The following LMX1B variants were observed in gnomAD, a reference collection of about 807,000 sequenced individuals.
LMX1B encodes the protein LIM homeobox transcription factor 1 beta, also known as LIM homeobox transcription factor 1-beta.
Under a neutral mutation model 51.4 loss-of-function variants are expected in LMX1B, and 12 were observed. The ratio of observed to expected loss-of-function variants is 0.23; its 90% CI spans 0.15 to 0.38. The LOEUF is 0.38. Among genes scored for constraint, LMX1B ranks in the 10% least tolerant of loss-of-function variants. The probability of loss-of-function intolerance (pLI) is 1.00; values close to 1 mark genes in which losing one functional copy is unlikely to be tolerated. For missense variants in LMX1B, 445 were observed against 571.1 expected (o/e 0.78, Z 2.25); for synonymous variants, 237 against 235.4 (o/e 1.01, Z -0.06).
chr9:126,641,351 C>T lies in LMX1B; in HGVS notation c.326+25782C>T, dbSNP rs1409164017. 1 of 152,268 alleles carries T rather than the reference C, an allele frequency of 6.6e-6. No individual in the cohort carries two copies. The highest frequency in any genetic ancestry group is 1.9e-4 in the East Asian group (1 of 5,200). The allele number at this position is 152,268 out of a possible 1,614,324, so 9.4% of individuals were successfully genotyped here. A position where few individuals can be genotyped will look rare whatever the true frequency, so the allele number is the denominator to read the frequency against. Reference sequence around the variant, plus strand: ...CCTTGCAACCATCATCTCTCTGCATCCTCAGGAAGCATAGGTACCATCAGT... The same window carrying T: ...CCTTGCAACCATCATCTCTCTGCATTCTCAGGAAGCATAGGTACCATCAGT... On this transcript the variant is annotated intron_variant, in intron 2 of 7. Transcript: ENST00000373474. The surrounding 1 kb of genome is among the most constrained non-coding windows in gnomAD (Gnocchi z 4.1).
At position 126,658,684 on chromosome 9, in the gene LMX1B, A is replaced by T. The variant is rs573507091; in HGVS notation, c.327-32152A>T. Among the ~76,000 whole-genome samples, 2 of 152,214 alleles carry T rather than the reference A, an allele frequency of 1.3e-5. No homozygotes were observed. Among genetic ancestry groups the T allele is most frequent in the African/African-American group, 2.4e-5 (1 of 41,450 alleles). On this transcript the variant is annotated intron_variant, in intron 2 of 7. Coordinates refer to ENST00000373474, the MANE Select transcript of LMX1B (RefSeq NM_001174147.2). The surrounding 1 kb of genome is among the most constrained non-coding windows in gnomAD (Gnocchi z 4.0). The stretch of plus-strand genomic sequence containing the variant: ...GCCCCCGAACGAGGCAGCTTTATAA[A>T]TGGCTTTTATCACATTAGTTTGCAG...
intron 3 of LMX1B, among the ~76,000 whole-genome samples, chr9:126,692,122 A>G (rs760156478): frequency 1.3e-5 from 2 of 152,206 alleles, no homozygotes; most frequent in Non-Finnish European, 2.9e-5. Flanking sequence ...AGGGTTTTCC[A>G]TGGCCAGGGC....
intron 2 of LMX1B, among the ~76,000 whole-genome samples, chr9:126,647,059 A>G (rs73668187): frequency 0.011 from 1,618 of 152,302 alleles, 33 homozygotes; most frequent in African/African-American, 0.037. Context: ...AAAAATTATT[A>G]CAAAAGCAGT....
rs1386790714 is a variant in LMX1B, at chr9:126,693,808, C to G, written c.882C>G (p.Gly294=). The change falls in exon 6 of 8, where the codon GGC becomes GGG. Residue 294 remains glycine (G), a synonymous_variant. Coordinates refer to ENST00000373474, the MANE Select transcript of LMX1B (RefSeq NM_001174147.2). ...AGCAGCAGAACTCCCAGCGGCTGGGCCAGGGTGAGCCGGGGCCGGGGCAGG... is the reference window on the plus strand; with the variant it reads ...AGCAGCAGAACTCCCAGCGGCTGGGGCAGGGTGAGCCGGGGCCGGGGCAGG... The part of the protein sequence containing the change: ...QQEQQNSQRL[G]QEVLSSRMEG... 1 of 1,320,224 alleles carries G rather than the reference C, an allele frequency of 7.6e-7. No individual in the cohort carries two copies. 81.8% of individuals were successfully genotyped at this position (1,320,224 alleles called of 1,614,324 possible).
At chr9:126,642,725 T>C (rs10987379) in intron 2 of LMX1B, among the ~76,000 whole-genome samples, 27,610 of 152,128 alleles carry the variant, frequency 0.18, 3,324 homozygotes, top group East Asian at 0.43. Context: ...GGGGAAGAAA[T>C]GCTTCTGTTG....
In LMX1B at chr9:126,690,875, C is replaced by A; in HGVS notation, c.366C>A (p.Ile122=). The change falls in exon 3 of 8, where the codon ATC becomes ATA. Residue 122 remains isoleucine, a synonymous_variant. Coordinates refer to ENST00000373474, the MANE Select transcript of LMX1B (RefSeq NM_001174147.2). Reference sequence around the variant, plus strand: ...AGTGCAGCGGCTGCATGGAGAAGATCGCCCCCACCGAGTTCGTGATGCGGG... The same window carrying A: ...AGTGCAGCGGCTGCATGGAGAAGATAGCCCCCACCGAGTTCGTGATGCGGG... ...AAKCSGCMEK[I]APTEFVMRAL... 6.2e-7 allele frequency: 1 copy of A among 1,613,282 alleles called. No individual in the cohort carries two copies. The highest frequency in any genetic ancestry group is 1.1e-5 in the South Asian group (1 of 90,994).
At position 126,691,055 on chromosome 9, in the gene LMX1B, C is replaced by G. The variant is rs34434402; in HGVS notation, c.546C>G (p.Asp182Glu). The G allele has an allele frequency of 4.3e-6, 7 of 1,610,918 alleles. No homozygotes were observed. Among genetic ancestry groups the G allele is most frequent in the Admixed American group, 3.3e-5 (2 of 59,708 alleles). ...EKDLLSSVSPDESDSVKSEDE... is the reference protein window; with the variant it reads ...EKDLLSSVSPEESDSVKSEDE... The stretch of plus-strand genomic sequence containing the variant: ...ACCTGCTCAGCTCCGTGAGCCCCGA[C>G]GAGTCCGACTCCGGTGAGGCCTGGC... The change falls in exon 3 of 8, where the codon GAC (aspartate) becomes GAG (glutamate). Residue 182 changes from aspartate (D) to glutamate (E), a missense_variant. By Grantham distance (45) the Asp-to-Glu change is conservative. This residue lies in a region of LMX1B where 273 missense variants were observed against 343.3 expected (regional missense o/e 0.80). Transcript: ENST00000373474.
rs944580861 is a variant in LMX1B, at chr9:126,625,826, C to T, written c.326+10257C>T. ...CGACGTCGCCGCCGTGCCTGAGCCCCGCTGCCTGCTCGGACAAGCAGAACT... is the reference window on the plus strand; with the variant it reads ...CGACGTCGCCGCCGTGCCTGAGCCCTGCTGCCTGCTCGGACAAGCAGAACT... On this transcript the variant is annotated intron_variant, in intron 2 of 7. Transcript: ENST00000373474. The surrounding 1 kb of genome is among the most constrained non-coding windows in gnomAD (Gnocchi z 5.3). Among the ~76,000 whole-genome samples the T allele has an allele frequency of 4.6e-5, 7 of 152,188 alleles. No individual in the cohort carries two copies. Among genetic ancestry groups the T allele is most frequent in the African/African-American group, 1.7e-4 (7 of 41,446 alleles).
chr9:126,653,378 A>G (rs1836057334), intron 2 of LMX1B, among the ~76,000 whole-genome samples: 1 of 151,470 alleles, frequency 6.6e-6, no homozygotes, highest in African/African-American at 2.4e-5. Context: ...CTGGTCTCCA[A>G]CTTCTGGGCT....
chr9:126,636,873 G>T (rs567263985), intron 2 of LMX1B, among the ~76,000 whole-genome samples: 1 of 152,206 alleles, frequency 6.6e-6, no homozygotes, highest in Non-Finnish European at 1.5e-5. Flanking sequence ...GTGCATGCAG[G>T]CACATGTATG....
chr9:126,664,789 C>G (rs990928030), intron 2 of LMX1B, among the ~76,000 whole-genome samples: 2 of 152,170 alleles, frequency 1.3e-5, no homozygotes, highest in African/African-American at 4.8e-5. Context: ...GCAGGAGAAT[C>G]GCTTGAACCT....
rs1588310397 is a variant in LMX1B, at chr9:126,696,820, A to G, written c.*369A>G. ...GTCCTCTCTGTGTCCATGGCCCTCC[A>G]TGCAAGCCCCAGGACAATGGTGTCA... On this transcript the variant is annotated 3_prime_UTR_variant, in exon 8 of 8. Coordinates refer to ENST00000373474, the MANE Select transcript of LMX1B (RefSeq NM_001174147.2). 1 of 330,922 alleles carries G rather than the reference A, an allele frequency of 3.0e-6. No homozygotes were observed. Among genetic ancestry groups the G allele is most frequent in the Non-Finnish European group, 5.8e-6 (1 of 172,290 alleles). 20.5% of individuals were successfully genotyped at this position (330,922 alleles called of 1,614,324 possible).
intron 2 of LMX1B, among the ~76,000 whole-genome samples, chr9:126,676,304 C>T (rs1836561649): frequency 6.6e-6 from 1 of 152,230 alleles, no homozygotes; most frequent in African/African-American, 2.4e-5. Flanking sequence ...GCCCAAATCT[C>T]TGTCTTCCGA....
At chr9:126,678,429 C>G (rs1263822027) in intron 2 of LMX1B, among the ~76,000 whole-genome samples, 1 of 152,064 alleles carries the variant, frequency 6.6e-6, no homozygotes, top group Non-Finnish European at 1.5e-5. Flanking sequence ...CAAGAAGGAG[C>G]TCACTTAGTC....
chr9:126,688,371 G>A (rs192758565), intron 2 of LMX1B, among the ~76,000 whole-genome samples: 2 of 152,206 alleles, frequency 1.3e-5, no homozygotes, highest in Non-Finnish European at 1.5e-5. Flanking sequence ...GTCACCCAAG[G>A]TGTGCTGACC....
Position 126,673,234 on chromosome 9 carries a change from A to G in LMX1B, c.327-17602A>G, listed in dbSNP as rs1836491822. 6.6e-6 allele frequency among the ~76,000 whole-genome samples: 1 copy of G among 152,134 alleles called. No individual in the cohort carries two copies. The highest frequency in any genetic ancestry group is 6.5e-5 in the Admixed American group (1 of 15,288). ...GCTGGGGTCTGGGGGAGCCCCAGACACCACAGGGAGCCCCTACCTAGGGAA... is the reference window on the plus strand; with the variant it reads ...GCTGGGGTCTGGGGGAGCCCCAGACGCCACAGGGAGCCCCTACCTAGGGAA... On this transcript the variant is annotated intron_variant, in intron 2 of 7. Coordinates refer to ENST00000373474, the MANE Select transcript of LMX1B (RefSeq NM_001174147.2). This position sits in a 1 kb window ranked among gnomAD's most constrained non-coding sequence, Gnocchi z 4.4.
At chr9:126,682,415 A>T (rs903365142) in intron 2 of LMX1B, among the ~76,000 whole-genome samples, 4 of 152,060 alleles carry the variant, frequency 2.6e-5, no homozygotes, top group Non-Finnish European at 5.9e-5. Flanking sequence ...ACCATTCGTC[A>T]TACTCTGTAT....
In LMX1B at chr9:126,677,680, G is replaced by T. The variant is rs528103648; in HGVS notation, c.327-13156G>T. On this transcript the variant is annotated intron_variant, in intron 2 of 7. Coordinates refer to ENST00000373474, the MANE Select transcript of LMX1B (RefSeq NM_001174147.2). The surrounding 1 kb of genome is among the most constrained non-coding windows in gnomAD (Gnocchi z 5.0). ...GAGGCCCCTGAGTGTGAAGCTCTGA[G>T]CACAGGGCTGAACTGGTTCCCGTGA... 4.6e-5 allele frequency among the ~76,000 whole-genome samples: 7 copies of T among 152,322 alleles called. No individual in the cohort carries two copies. The East Asian group carries it at 1.2e-3, about 25-fold the overall frequency.
chr9:126,685,934 GCAGT>G (rs1836759283), intron 2 of LMX1B, among the ~76,000 whole-genome samples: 1 of 152,146 alleles, frequency 6.6e-6, no homozygotes, highest in Admixed American at 6.6e-5. Context: ...CCCGGTGCAT[GCAGT>G]CTGGACCTTA....
Sources: gnomAD v4.1 joint callset for allele counts (sites outside exome capture counted in the v4.1 genomes callset) on GRCh38, gnomAD v4.1.1 for gene constraint, gnomAD v4.1.1 regional missense constraint, Gnocchi (gnomAD v3.1) non-coding constraint, MANE v1.5 for transcripts, NCBI Gene and HGNC (gene_info 2026-07-23, HGNC 2026-07-21) for gene names.